RIN3: variants seen among roughly 807,000 people sequenced by gnomAD.
RIN3 encodes RAB5 interacting protein 3.
RIN3 carries 54 observed loss-of-function variants against 76.3 expected under a neutral mutation model. That is an observed-to-expected ratio of 0.71 (90% CI 0.57 to 0.89). The LOEUF is 0.89. Among genes scored for constraint, RIN3 ranks in the 40% least tolerant of loss-of-function variants. The probability of loss-of-function intolerance (pLI) is 0.00; values close to 1 mark genes in which losing one functional copy is unlikely to be tolerated. For missense variants in RIN3, 1,256 were observed against 1,322.1 expected (o/e 0.95, Z 0.78); for synonymous variants, 576 against 564.0 (o/e 1.02, Z -0.30).
intron 7 of RIN3, among the ~76,000 whole-genome samples, chr14:92,664,730 A>G (rs1018514977): frequency 6.6e-6 from 1 of 152,138 alleles, no homozygotes; most frequent in African/African-American, 2.4e-5. Context: ...CGTAAGGGTA[A>G]CTTACATACA....
intron 1 of RIN3, among the ~76,000 whole-genome samples, chr14:92,537,484 A>G (rs1421480260): frequency 6.6e-6 from 1 of 152,144 alleles, no homozygotes; most frequent in Non-Finnish European, 1.5e-5. Flanking sequence ...TTTTGCATAC[A>G]TGCAACTGTA....
chr14:92,627,526 A>G (rs1886399098), intron 4 of RIN3, among the ~76,000 whole-genome samples: 1 of 152,074 alleles, frequency 6.6e-6, no homozygotes, highest in Admixed American at 6.5e-5. Flanking sequence ...ATTCACACAC[A>G]CTTTCAACCT....
chr14:92,515,547 A>C (rs1896418473), intron 1 of RIN3: 1 of 442,764 alleles, frequency 2.3e-6, no homozygotes, highest in African/African-American at 2.0e-5. Context: ...CTAAATACAC[A>C]GAGTTGAATA....
intron 8 of RIN3, 84 bp from the exon 9 acceptor site, chr14:92,684,903 G>A (rs1772825751): frequency 7.0e-7 from 1 of 1,427,438 alleles, no homozygotes; most frequent in South Asian, 1.3e-5. Flanking sequence ...GGGGCTTGGA[G>A]GAGGTGGGTG....
chr14:92,576,574 T>C (rs1898240710), intron 2 of RIN3, among the ~76,000 whole-genome samples: 2 of 152,186 alleles, frequency 1.3e-5, no homozygotes. Flanking sequence ...TCTTCCCTTA[T>C]AGCTGTGAGA....
intron 3 of RIN3, among the ~76,000 whole-genome samples, chr14:92,601,466 C>T (rs557346957): frequency 5.0e-4 from 76 of 152,206 alleles, no homozygotes; most frequent in Non-Finnish European, 7.9e-4. Flanking sequence ...CCCAAGCTTG[C>T]AGGGGAAATG....
chr14:92,568,505 TGACTA>T lies in RIN3; in HGVS notation c.250-8853_250-8849del, dbSNP rs1740920508. Among the ~76,000 whole-genome samples the T allele has an allele frequency of 6.6e-6, 1 of 152,216 alleles. No homozygotes were observed. Among genetic ancestry groups the T allele is most frequent in the Non-Finnish European group, 1.5e-5 (1 of 68,038 alleles). The stretch of plus-strand genomic sequence containing the variant: ...TGAATACCTTCTAGAAGAGTCTCCA[TGACTA>T]GCTCAGCAGCTAAACCTCCCCAGAG... On this transcript the variant is annotated intron_variant, in intron 2 of 9. Transcript: ENST00000216487. This position sits in a 1 kb window ranked among gnomAD's most constrained non-coding sequence, Gnocchi z 4.2.
chr14:92,640,350 A>G (rs369884183), intron 4 of RIN3, among the ~76,000 whole-genome samples: 11 of 32,446 alleles, frequency 3.4e-4, no homozygotes, highest in South Asian at 3.7e-3. Flanking sequence ...CTGTGTGTTC[A>G]TCGGGGGCTG....
chr14:92,537,843 T>TTTA (rs1566832227), intron 1 of RIN3, among the ~76,000 whole-genome samples: 4 of 118,588 alleles, frequency 3.4e-5, no homozygotes, highest in South Asian at 5.3e-4. Flanking sequence ...TTTTATTTAT[T>TTTA]TTTTTTTTTT....
intron 8 of RIN3, among the ~76,000 whole-genome samples, chr14:92,682,150 G>C (rs1888689157): frequency 6.6e-6 from 1 of 152,188 alleles, no homozygotes; most frequent in African/African-American, 2.4e-5. Context: ...GCCTCCCAAA[G>C]TGCTGAGATT....
At chr14:92,546,552 C>G (rs1053236988) in intron 1 of RIN3, among the ~76,000 whole-genome samples, 11 of 152,154 alleles carry the variant, frequency 7.2e-5, no homozygotes, top group Admixed American at 2.6e-4. Flanking sequence ...CCATTTTCTC[C>G]ATGTAGTAAA....
intron 9 of RIN3, chr14:92,686,537 C>G (rs1211158559): frequency 6.6e-6 from 1 of 152,368 alleles, no homozygotes. Context: ...CCCCGGACTC[C>G]CACAGACTGT....
chr14:92,632,298 G>C (rs1355316053), intron 4 of RIN3, among the ~76,000 whole-genome samples: 1 of 152,096 alleles, frequency 6.6e-6, no homozygotes, highest in African/African-American at 2.4e-5. Flanking sequence ...CAGTGATTTC[G>C]TGACTGGCTC....
intron 8 of RIN3, among the ~76,000 whole-genome samples, chr14:92,682,946 A>G (rs11625691): frequency 0.7 from 106,164 of 152,012 alleles, 37,376 homozygotes; most frequent in East Asian, 0.8. Flanking sequence ...CGGGTGGATC[A>G]CTTGAGCTCA....
intron 4 of RIN3, among the ~76,000 whole-genome samples, chr14:92,622,743 G>A (rs981366969): frequency 2.6e-5 from 4 of 152,184 alleles, no homozygotes; most frequent in African/African-American, 9.7e-5. Flanking sequence ...AGTACATTTT[G>A]GGGTGTTTGG....
intron 2 of RIN3, among the ~76,000 whole-genome samples, chr14:92,560,691 T>A (rs1238344034): frequency 6.6e-6 from 1 of 152,006 alleles, no homozygotes. Context: ...CCCACAGAGC[T>A]GGCATCCAGG....
In RIN3 at chr14:92,576,433, G is replaced by A. The variant is rs1898234795; in HGVS notation, c.250-927G>A. ...CTGCGTCCTCACAGCCTAGAGCCATGGTTTTATCAGAAGAGAGTAAACCTA... is the reference window on the plus strand; with the variant it reads ...CTGCGTCCTCACAGCCTAGAGCCATAGTTTTATCAGAAGAGAGTAAACCTA... On this transcript the variant is annotated intron_variant, in intron 2 of 9. Transcript: ENST00000216487. 4.7e-6 allele frequency: 6 copies of A among 1,284,644 alleles called. No homozygotes were observed. In the South Asian group the frequency reaches 7.4e-5, roughly 16 times the overall value. 79.6% of individuals were successfully genotyped at this position (1,284,644 alleles called of 1,614,324 possible). A position where few individuals can be genotyped will look rare whatever the true frequency, so the allele number is the denominator to read the frequency against.
intron 1 of RIN3, among the ~76,000 whole-genome samples, chr14:92,551,689 CCCTAATG>C (rs1403339209): frequency 5.3e-5 from 8 of 152,256 alleles, no homozygotes; most frequent in African/African-American, 1.9e-4. Context: ...ATTTGCATTT[CCCTAATG>C]ACTAATGACT....
chr14:92,630,278 G>A (rs978282940), intron 4 of RIN3, among the ~76,000 whole-genome samples: 11 of 152,122 alleles, frequency 7.2e-5, no homozygotes, highest in East Asian at 1.9e-4. Flanking sequence ...ATCACTTGAC[G>A]TCAGGAGTTC....
Sources: allele counts gnomAD v4.1 joint callset (sites outside exome capture counted in the v4.1 genomes callset), GRCh38; gene constraint gnomAD v4.1.1; non-coding constraint Gnocchi (gnomAD v3.1); transcripts MANE v1.5; gene names NCBI Gene and HGNC (gene_info 2026-07-23, HGNC 2026-07-21).